Variants in TMEM185A observed in about 807,000 individuals in gnomAD.
TMEM185A encodes the protein transmembrane protein 185A, also known as family with sequence similarity 11, member A.
In TMEM185A, 9 loss-of-function variants were observed where a neutral mutation model predicts 25.0. That is an observed-to-expected ratio of 0.36 (90% CI 0.22 to 0.63). The LOEUF (loss-of-function observed/expected upper bound fraction) is 0.63. TMEM185A is among the 20% of genes least tolerant of loss of function. The pLI is 0.68. For synonymous variants in TMEM185A, 45 were observed against 93.5 expected (o/e 0.48, Z 2.99); for missense variants, 103 against 237.4 (o/e 0.43, Z 3.72).
intron 1 of TMEM185A, among the ~76,000 whole-genome samples, chrX:149,628,820 G>C (rs1468231733): frequency 8.9e-6 from 1 of 112,433 alleles, no homozygotes; most frequent in Non-Finnish European, 1.9e-5. Context: ...AGTGTGAGAA[G>C]AAAGAGAACC....
chrX:149,613,993 A>G (rs1557354785), intron 1 of TMEM185A, among the ~76,000 whole-genome samples: 1 of 112,671 alleles, frequency 8.9e-6, no homozygotes, highest in East Asian at 2.8e-4. Context: ...ATGGAAATTA[A>G]CATTCCTTTC....
intron 4 of TMEM185A, chrX:149,603,721 C>A (rs1261433881): frequency 1.6e-5 from 4 of 243,928 alleles, no homozygotes; most frequent in Non-Finnish European, 2.9e-5. Flanking sequence ...TTTATAAAGA[C>A]CTTTTATTAA....
At chrX:149,618,714 C>A (rs1284958498) in intron 1 of TMEM185A, among the ~76,000 whole-genome samples, 2 of 111,732 alleles carry the variant, frequency 1.8e-5, no homozygotes, top group Non-Finnish European at 3.8e-5. Flanking sequence ...CAAAAAATAT[C>A]TACTCTTCGA....
chrX:149,608,541 G>T, intron 3 of TMEM185A, 86 bp downstream of exon 3: 1 of 942,210 alleles, frequency 1.1e-6, no homozygotes, highest in Non-Finnish European at 1.5e-6. Context: ...ATGTTGGCCA[G>T]GCTGGTCTCA....
chrX:149,615,907 G>A (rs1177257984), intron 1 of TMEM185A, among the ~76,000 whole-genome samples: 4 of 112,286 alleles, frequency 3.6e-5, no homozygotes, highest in African/African-American at 9.7e-5. Flanking sequence ...AGTTCCAGAG[G>A]CTGGAAGTTG....
At chrX:149,616,433 T>C (rs1407691068) in intron 1 of TMEM185A, among the ~76,000 whole-genome samples, 1 of 111,988 alleles carries the variant, frequency 8.9e-6, no homozygotes, top group Non-Finnish European at 1.9e-5. Context: ...ATCTATTACT[T>C]GTTTTTTTCC....
intron 3 of TMEM185A, among the ~76,000 whole-genome samples, chrX:149,606,517 C>G (rs1212837077): frequency 8.9e-6 from 1 of 112,584 alleles, no homozygotes; most frequent in African/African-American, 3.2e-5. Flanking sequence ...GAGGCTCCCT[C>G]TCTTCTCAAC....
At chrX:149,605,471 T>A (rs182039835) in intron 3 of TMEM185A, among the ~76,000 whole-genome samples, 1,397 of 49,856 alleles carry the variant, frequency 0.028, 37 homozygotes, top group East Asian at 0.079. Context: ...ATGGCCTCCC[T>A]TGTCACTTTC....
chrX:149,616,691 A>T (rs782778696), intron 1 of TMEM185A, among the ~76,000 whole-genome samples: 25 of 112,157 alleles, frequency 2.2e-4, no homozygotes, highest in Non-Finnish European at 3.9e-4. Flanking sequence ...TTAGCCTACC[A>T]CACACACCAA....
intron 1 of TMEM185A, among the ~76,000 whole-genome samples, chrX:149,621,406 C>A (rs189440692): frequency 6.4e-4 from 72 of 111,767 alleles, no homozygotes; most frequent in Non-Finnish European, 1.0e-3. Flanking sequence ...AATTTTATGT[C>A]TATTACATGA....
chrX:149,603,886 ATTAC>A lies in TMEM185A; in HGVS notation c.507+97_507+100del, dbSNP rs1446452781. 6.0e-6 allele frequency: 4 copies of A among 670,891 alleles called. No individual in the cohort carries two copies. The African/African-American group carries it at 8.9e-5, about 15-fold the overall frequency. 55.3% of individuals were successfully genotyped at this position (670,891 alleles called of 1,213,427 possible). ...TGGGATTATGGGTGACTATTAGGCT[ATTAC>A]TTCTGCTTGTCCGTCTTTTCCAAGC... On this transcript the variant is annotated intron_variant, in intron 4 of 6. Coordinates refer to ENST00000600449, the MANE Select transcript of TMEM185A (RefSeq NM_032508.4).
At position 149,616,625 on chromosome X, in the gene TMEM185A, T is replaced by C. The variant is rs782395232; in HGVS notation, c.39-5162A>G. On this transcript the variant is annotated intron_variant, in intron 1 of 6. Coordinates refer to ENST00000600449, the MANE Select transcript of TMEM185A (RefSeq NM_032508.4). ...TTATTGCCCCACTTGGATAACCCCA[T>C]CATCTCAAGATCTTTAACAGGTTCC... Among the ~76,000 whole-genome samples, 15 of 112,069 alleles carry C rather than the reference T, an allele frequency of 1.3e-4. No individual in the cohort carries two copies. The East Asian group carries it at 4.2e-3, about 31-fold the overall frequency.
intron 4 of TMEM185A, 82 bp downstream of exon 4, chrX:149,603,905 C>G (rs2090030870): frequency 1.2e-6 from 1 of 852,786 alleles, no homozygotes; most frequent in Admixed American, 2.8e-5. Flanking sequence ...GCTTGTCCGT[C>G]TTTTCCAAGC....
intron 1 of TMEM185A, among the ~76,000 whole-genome samples, chrX:149,621,677 T>C (rs1053021171): frequency 2.7e-5 from 3 of 111,953 alleles, no homozygotes; most frequent in African/African-American, 9.7e-5. Flanking sequence ...ACTATGCTAC[T>C]GAAGGCTCTA....
chrX:149,605,321 A>ATGTCACTTTCTATGGCCTCCCT (rs2090042366), intron 3 of TMEM185A: 2 of 89,785 alleles, frequency 2.2e-5, no homozygotes, highest in African/African-American at 4.5e-5. Context: ...ATGGCCTCCC[A>ATGTCACTTTCTATGGCCTCCCT]TGTCACTTTC....
At chrX:149,608,365 C>T (rs1386961088) in intron 3 of TMEM185A, 13 of 202,652 alleles carry the variant, frequency 6.4e-5, no homozygotes, top group South Asian at 2.1e-4. Context: ...GAGTTTCATT[C>T]TGTCACCCAG....
chrX:149,611,224 G>GTT, intron 2 of TMEM185A, 63 bp downstream of exon 2: 1 of 1,064,737 alleles, frequency 9.4e-7, no homozygotes, highest in Non-Finnish European at 1.3e-6. Context: ...CATCAAAAGT[G>GTT]AGAAAAGTCA....
Position 149,604,021 on chromosome X carries a change from A to C in TMEM185A, c.473T>G (p.Leu158Ter), listed in dbSNP as rs782656081. 1 of 1,209,773 alleles carries C rather than the reference A, an allele frequency of 8.3e-7. No homozygotes were observed. Among genetic ancestry groups the C allele is most frequent in the Non-Finnish European group, 1.1e-6 (1 of 893,974 alleles). Residue 158 changes from leucine (L) to a stop codon, truncating the protein, a stop_gained, in exon 4 of 7, where the codon TTA becomes TGA. Transcript: ENST00000600449. LOFTEE classifies it high-confidence loss of function. ...CCAGTGGATGATCTTGTCCAGTCTT[A>C]AGGCAATGAATATAAACTGGAGAAT... ...VNILQFIFIALRLDKIIHWPW... is the reference protein window; with the variant it reads ...VNILQFIFIA
At chrX:149,607,162 C>T (rs1210297892) in intron 3 of TMEM185A, among the ~76,000 whole-genome samples, 1 of 111,663 alleles carries the variant, frequency 9.0e-6, no homozygotes, top group Non-Finnish European at 1.9e-5. Flanking sequence ...GCTCCATCAC[C>T]GTCCCTCTGT....
Sources: gnomAD v4.1 joint callset for allele counts (sites outside exome capture counted in the v4.1 genomes callset) on GRCh38, gnomAD v4.1.1 for gene constraint, MANE v1.5 for transcripts, NCBI Gene and HGNC (gene_info 2026-07-23, HGNC 2026-07-21) for gene names.